Variants in SEC14L1 observed in about 807,000 individuals in gnomAD.
SEC14L1 encodes the protein SEC14-like protein 1.
Under a neutral mutation model 85.3 loss-of-function variants are expected in SEC14L1, and 48 were observed. That is an observed-to-expected ratio of 0.56 (90% confidence interval 0.45 to 0.72). SEC14L1 has a LOEUF of 0.72. Ranked by LOEUF, SEC14L1 falls within the 30% of genes least tolerant of loss-of-function variation. SEC14L1 has a pLI of 0.00. For missense variants in SEC14L1, 682 were observed against 921.4 expected (o/e 0.74, Z 3.36); for synonymous variants, 391 against 355.5 (o/e 1.10, Z -1.12).
intron 3 of SEC14L1, among the ~76,000 whole-genome samples, chr17:77,111,396 GTT>G (rs547141080): frequency 2.8e-5 from 4 of 140,742 alleles, no homozygotes; most frequent in East Asian, 2.1e-4. Flanking sequence ...CTTTTGAAGT[GTT>G]TTTTTTTTTT....
intron 7 of SEC14L1, 66 bp downstream of exon 7, chr17:77,194,977 T>G: frequency 8.5e-7 from 1 of 1,175,402 alleles, no homozygotes; most frequent in Non-Finnish European, 1.3e-6. Context: ...GTTTTCTCTC[T>G]GTTTGCTCTG....
chr17:77,172,031 G>C (rs1974543281), intron 3 of SEC14L1, among the ~76,000 whole-genome samples: 1 of 152,012 alleles, frequency 6.6e-6, no homozygotes, highest in South Asian at 2.1e-4. Flanking sequence ...TTTACTGAGC[G>C]GTCCTTATAT....
At chr17:77,180,900 T>C (rs531889404) in intron 3 of SEC14L1, 29 of 152,354 alleles carry the variant, frequency 1.9e-4, no homozygotes, top group Non-Finnish European at 3.8e-4. Flanking sequence ...GGTTTACCAG[T>C]GAACTAAACA....
intron 3 of SEC14L1, among the ~76,000 whole-genome samples, chr17:77,112,682 G>A (rs1224018089): frequency 5.3e-5 from 8 of 149,844 alleles, no homozygotes; most frequent in South Asian, 2.1e-4. Context: ...TCAGGAGATC[G>A]AGACCATCCT....
At chr17:77,160,643 G>A (rs1015258590) in intron 3 of SEC14L1, among the ~76,000 whole-genome samples, 24 of 152,166 alleles carry the variant, frequency 1.6e-4, no homozygotes, top group African/African-American at 5.5e-4. Flanking sequence ...ATAAAGATTT[G>A]TATTTAAAGA....
chr17:77,095,294 T>C (rs1265095087), intron 3 of SEC14L1, among the ~76,000 whole-genome samples: 4 of 152,162 alleles, frequency 2.6e-5, no homozygotes, highest in East Asian at 1.9e-4. Context: ...CAAGAGGTCA[T>C]TGTTGGTCTG....
In SEC14L1 at chr17:77,206,122, A is replaced by C; in HGVS notation, c.1170-107A>C. 9.3e-7 allele frequency: 1 copy of C among 1,075,586 alleles called. No homozygotes were observed. The allele number at this position is 1,075,586 out of a possible 1,614,324, so 66.6% of individuals were successfully genotyped here. ...GCACTATAATTTAAAAAAATTGATTATGATGTATTTGGAAATAGCTATAAA... is the reference window on the plus strand; with the variant it reads ...GCACTATAATTTAAAAAAATTGATTCTGATGTATTTGGAAATAGCTATAAA... On this transcript the variant is annotated intron_variant, in intron 11 of 16. Coordinates refer to ENST00000436233, the MANE Select transcript of SEC14L1 (RefSeq NM_001143998.2). The surrounding 1 kb of genome is among the most constrained non-coding windows in gnomAD (Gnocchi z 4.3).
intron 3 of SEC14L1, among the ~76,000 whole-genome samples, chr17:77,106,952 TG>T (rs1971928630): frequency 6.6e-6 from 1 of 152,206 alleles, no homozygotes; most frequent in Non-Finnish European, 1.5e-5. Flanking sequence ...CATGAATGCT[TG>T]TATCCGGCCA....
Position 77,192,291 on chromosome 17 carries a change from G to C in SEC14L1, c.345+979G>C, listed in dbSNP as rs184080179. On this transcript the variant is annotated intron_variant, in intron 5 of 16. Transcript: ENST00000436233. ...TAGAATACTCTCCTGACAGATTGCT[G>C]TATTTCTGCCCTTCTCCCCTGCAGT... Among the ~76,000 whole-genome samples, 995 of 152,296 alleles carry C rather than the reference G, an allele frequency of 6.5e-3. 9 individuals carry two copies. The highest frequency in any genetic ancestry group is 0.015 in the South Asian group (70 of 4,820).
At chr17:77,105,392 G>A (rs938079658) in intron 3 of SEC14L1, among the ~76,000 whole-genome samples, 4 of 56,744 alleles carry the variant, frequency 7.0e-5, no homozygotes, top group African/African-American at 1.6e-4. Context: ...CCCACCCCAC[G>A]TAAAAAGAGT....
At chr17:77,123,414 CT>C (rs71280842) in intron 3 of SEC14L1, among the ~76,000 whole-genome samples, 1,465 of 80,480 alleles carry the variant, frequency 0.018, 68 homozygotes, top group Admixed American at 0.079. Context: ...CAGGCCCACT[CT>C]TTTTTTTTTT....
intron 3 of SEC14L1, among the ~76,000 whole-genome samples, chr17:77,161,960 G>T: frequency 8.0e-6 from 1 of 124,940 alleles, no homozygotes; most frequent in Non-Finnish European, 1.6e-5. Context: ...ACAAACCCTT[G>T]TGTTGAGGGC....
At chr17:77,159,148 C>T (rs1973941748) in intron 3 of SEC14L1, among the ~76,000 whole-genome samples, 1 of 35,910 alleles carries the variant, frequency 2.8e-5, no homozygotes, top group African/African-American at 1.2e-4. Flanking sequence ...CTCACTGCAG[C>T]CTCCACCTCC....
chr17:77,110,478 G>A (rs1972020728), intron 3 of SEC14L1, among the ~76,000 whole-genome samples: 1 of 152,174 alleles, frequency 6.6e-6, no homozygotes, highest in African/African-American at 2.4e-5. Flanking sequence ...CATGGCCAGA[G>A]ACACAGCCCT....
intron 3 of SEC14L1, among the ~76,000 whole-genome samples, chr17:77,184,433 G>A (rs893390913): frequency 5.3e-5 from 8 of 152,068 alleles, no homozygotes; most frequent in African/African-American, 1.4e-4. Flanking sequence ...ATCCTTCTGT[G>A]TTGATTAGAT....
At chr17:77,150,937 G>A (rs986302870) in intron 3 of SEC14L1, among the ~76,000 whole-genome samples, 7 of 152,062 alleles carry the variant, frequency 4.6e-5, no homozygotes, top group East Asian at 1.9e-4. Context: ...TCAGTCCATC[G>A]TTCATCTTCT....
chr17:77,191,362 T>A (rs1168047511), intron 5 of SEC14L1, 50 bp downstream of exon 5: 2 of 1,605,522 alleles, frequency 1.2e-6, no homozygotes, highest in South Asian at 1.1e-5. Flanking sequence ...ATATGGCTTC[T>A]GAGGATTGTT....
chr17:77,114,054 G>A (rs183133080), intron 3 of SEC14L1, among the ~76,000 whole-genome samples: 3 of 152,254 alleles, frequency 2.0e-5, no homozygotes, highest in Admixed American at 1.3e-4. Flanking sequence ...TGCTAAATGC[G>A]GGTGCAAATA....
chr17:77,114,252 A>C lies in SEC14L1; in HGVS notation c.-136+20905A>C, dbSNP rs571393543. On this transcript the variant is annotated intron_variant, in intron 3 of 19. Transcript: ENST00000392476. ...TCAAAAGGCAGGCACTGGCTGGGCAAGGTGGCTCACGCCTGTAATCCCAGC... is the reference window on the plus strand; with the variant it reads ...TCAAAAGGCAGGCACTGGCTGGGCACGGTGGCTCACGCCTGTAATCCCAGC... 6.7e-4 allele frequency among the ~76,000 whole-genome samples: 102 copies of C among 151,400 alleles called. 3 individuals are homozygous for C. The East Asian group carries it at 0.019, about 29-fold the overall frequency.
Sources: allele counts gnomAD v4.1 joint callset (sites outside exome capture counted in the v4.1 genomes callset), GRCh38; gene constraint gnomAD v4.1.1; non-coding constraint Gnocchi (gnomAD v3.1); transcripts MANE v1.5; gene names NCBI Gene and HGNC (gene_info 2026-07-23, HGNC 2026-07-21).